Variants in GCKR observed in about 807,000 individuals in gnomAD.
GCKR encodes glucokinase regulator.
Under a neutral mutation model 82.9 loss-of-function variants are expected in GCKR, and 73 were observed. The ratio of observed to expected loss-of-function variants is 0.88; its 90% CI spans 0.73 to 1.07. GCKR has a LOEUF of 1.07. GCKR is among the 50% of genes least tolerant of loss of function. The probability of loss-of-function intolerance (pLI) is 0.00; values close to 1 mark genes in which losing one functional copy is unlikely to be tolerated. For missense variants in GCKR, 784 were observed against 782.1 expected (o/e 1.00, Z -0.03); for synonymous variants, 294 against 291.8 (o/e 1.01, Z -0.08).
intron 8 of GCKR, among the ~76,000 whole-genome samples, chr2:27,503,028 A>G (rs1669624535): frequency 6.6e-6 from 1 of 152,230 alleles, no homozygotes; most frequent in African/African-American, 2.4e-5. Flanking sequence ...TGCTACCTTG[A>G]AGCTTGGTTC....
intron 12 of GCKR, 52 bp downstream of exon 12, chr2:27,506,937 C>G: frequency 1.7e-6 from 2 of 1,196,970 alleles, no homozygotes; most frequent in South Asian, 2.4e-5. Context: ...CCCAACCATT[C>G]GGGCTGCTCT....
At chr2:27,497,665 T>G (rs1322358226) in intron 3 of GCKR, 35 bp downstream of exon 3, 3 of 1,314,846 alleles carry the variant, frequency 2.3e-6, no homozygotes, top group Non-Finnish European at 3.3e-6. Flanking sequence ...GCCTAAACTT[T>G]TCTGTTTCCC....
intron 4 of GCKR, 36 bp downstream of exon 4, chr2:27,498,359 ACTTC>A: frequency 6.6e-7 from 1 of 1,512,238 alleles, no homozygotes; most frequent in Non-Finnish European, 9.2e-7. Flanking sequence ...TTCCCCCTCC[ACTTC>A]TGGAGGTGAC....
At position 27,498,741 on chromosome 2, in the gene GCKR, G is replaced by C. The variant is rs1346901287; in HGVS notation, c.372G>C (p.Leu124=). The change falls in exon 5 of 19, where the codon CTG becomes CTC. Residue 124 remains leucine (L), a synonymous_variant. Transcript: ENST00000264717. ...CTTGACAGGTGTCCTTTAATCAGCT[G>C]ATGAAAGGTCTGGGACAGAAACCTC... ...AFLMSVSFNQ[L]MKGLGQKPLY... 21 of 1,605,162 alleles carry C rather than the reference G, an allele frequency of 1.3e-5. No individual in the cohort carries two copies. Among genetic ancestry groups the C allele is most frequent in the Non-Finnish European group, 1.8e-5 (21 of 1,172,030 alleles).
rs75970592 is a variant in GCKR, at chr2:27,498,197, A to C, written c.286-58A>C. On this transcript the variant is annotated intron_variant, in intron 3 of 18. Coordinates refer to ENST00000264717, the MANE Select transcript of GCKR (RefSeq NM_001486.4). ...TCTTGCATTACTGACAAAGAAAAGA[A>C]TATTCTTCTCCCAACCTGAGCCAGG... is the stretch of plus-strand genomic sequence containing the variant. 2.9e-3 allele frequency: 3,776 copies of C among 1,290,762 alleles called. 81 individuals carry two copies. The African/African-American group carries it at 0.048, about 16-fold the overall frequency. 80.0% of individuals were successfully genotyped at this position (1,290,762 alleles called of 1,614,324 possible).
rs775355077 is a variant in GCKR at position 27,496,976 on chromosome 2, T to G, written c.60+12T>G. On this transcript the variant is annotated intron_variant, in intron 1 of 18. Coordinates refer to ENST00000264717, the MANE Select transcript of GCKR (RefSeq NM_001486.4). ...CTGGCAAGTGGGAGGTGAGACCCCT[T>G]CTTCATGTTGGCTTTCTGTGCTGAT... is the stretch of plus-strand genomic sequence containing the variant. The G allele has an allele frequency of 6.2e-7, 1 of 1,604,616 alleles. No individual in the cohort carries two copies. The highest frequency in any genetic ancestry group is 1.1e-5 in the South Asian group (1 of 90,890).
chr2:27,507,597 C>T (rs1669779828), intron 13 of GCKR, 84 bp from the exon 14 acceptor site: 1 of 803,072 alleles, frequency 1.2e-6, no homozygotes, highest in African/African-American at 1.7e-5. Context: ...AGTGTTAGAT[C>T]TCCTCCACGG....
At position 27,505,811 on chromosome 2, in the gene GCKR, G is replaced by T; in HGVS notation, c.844G>T (p.Asp282Tyr). The change falls in exon 10 of 19, where the codon GAC (aspartate) becomes TAC (tyrosine). Residue 282 changes from aspartate to tyrosine, a missense_variant. By Grantham distance (160) the Asp-to-Tyr change is radical. Transcript: ENST00000264717. Reference sequence around the variant, plus strand: ...GTTATTAGCAGCCCATAAGACTGTGGACCAGGGCATTGCAGCATCTCAAAG... The same window carrying T: ...GTTATTAGCAGCCCATAAGACTGTGTACCAGGGCATTGCAGCATCTCAAAG... ...TLLLAAHKTV[D>Y]QGIAASQRCL... 1.3e-6 allele frequency: 2 copies of T among 1,591,302 alleles called. No individual in the cohort carries two copies. The highest frequency in any genetic ancestry group is 2.2e-5 in the South Asian group (2 of 90,656).
intron 12 of GCKR, 27 bp downstream of exon 12, chr2:27,506,912 C>T (rs2148585068): frequency 7.2e-7 from 1 of 1,380,840 alleles, no homozygotes; most frequent in East Asian, 2.3e-5. Context: ...GATGTTCTTC[C>T]TGCTTCCTCC....
chr2:27,504,179 C>G (rs1334223285), intron 9 of GCKR, among the ~76,000 whole-genome samples: 1 of 152,196 alleles, frequency 6.6e-6, no homozygotes, highest in Non-Finnish European at 1.5e-5. Flanking sequence ...CTCCCTCTAC[C>G]AGTGGTGGGC....
intron 16 of GCKR, among the ~76,000 whole-genome samples, chr2:27,513,060 G>A (rs1669928357): frequency 6.6e-6 from 1 of 152,136 alleles, no homozygotes; most frequent in East Asian, 1.9e-4. Context: ...CGTTTAGCTA[G>A]GATGGTGTCT....
At chr2:27,518,271 C>CG (rs1670056669) in intron 16 of GCKR, among the ~76,000 whole-genome samples, 1 of 152,224 alleles carries the variant, frequency 6.6e-6, no homozygotes, top group Non-Finnish European at 1.5e-5. Context: ...GTTGAGAACT[C>CG]CTGACCTCAG....
At chr2:27,516,246 T>C (rs536197382) in intron 16 of GCKR, among the ~76,000 whole-genome samples, 1 of 151,582 alleles carries the variant, frequency 6.6e-6, no homozygotes, top group African/African-American at 2.4e-5. Context: ...GGCGTTATGG[T>C]ATGTTTGGTA....
At chr2:27,498,633 T>C in intron 4 of GCKR, 91 bp from the exon 5 acceptor site, 1 of 823,436 alleles carries the variant, frequency 1.2e-6, no homozygotes, top group Non-Finnish European at 2.1e-6. Flanking sequence ...AAGAGAATCA[T>C]TATATAGTCT....
At position 27,508,006 on chromosome 2, in the gene GCKR, G is replaced by A. The variant is rs766023543; in HGVS notation, c.1270G>A (p.Glu424Lys). 1 of 1,613,688 alleles carries A rather than the reference G, an allele frequency of 6.2e-7. No individual in the cohort carries two copies. The highest frequency in any genetic ancestry group is 2.2e-5 in the East Asian group (1 of 44,872). The change falls in exon 15 of 19, where the codon GAG (glutamate) becomes AAG (lysine). Residue 424 changes from glutamate to lysine, a missense_variant. Physicochemically the swap from Glu to Lys is moderately conservative, Grantham distance 56 (BLOSUM62 1). Transcript: ENST00000264717. The part of the protein sequence containing the change: ...DNLTEVQTIV[E>K]QVKEKTNHIQ... ...CCTCACGGAGGTGCAGACTATAGTG[G>A]AGCAGGTGAAAGAGAAGACCAACCA...
In GCKR at chr2:27,497,244, T is replaced by C; in HGVS notation, c.61T>C (p.Leu21=). The part of the protein sequence containing the change: ...IETPEPGKWE[L]SGYEAAVPIT... The stretch of plus-strand genomic sequence containing the variant: ...CATCCTTGTCCCCTCTTCCTTCTAG[T>C]TGTCTGGGTACGAGGCAGCTGTGCC... Residue 21 remains leucine (L), a splice_region_variant and synonymous_variant, in exon 2 of 19, where the codon TTG becomes CTG. Transcript: ENST00000264717. The C allele has an allele frequency of 6.2e-7, 1 of 1,614,198 alleles. No individual in the cohort carries two copies. The highest frequency in any genetic ancestry group is 8.5e-7 in the Non-Finnish European group (1 of 1,180,014).
intron 16 of GCKR, among the ~76,000 whole-genome samples, chr2:27,509,092 A>G (rs765443167): frequency 1.3e-5 from 2 of 151,996 alleles, no homozygotes; most frequent in Non-Finnish European, 2.9e-5. Flanking sequence ...AAAGCAAGCA[A>G]TTTTACATCT....
chr2:27,506,450 C>G, intron 10 of GCKR, 31 bp from the exon 11 acceptor site: 1 of 1,438,236 alleles, frequency 7.0e-7, no homozygotes, highest in Non-Finnish European at 9.8e-7. Context: ...GGAATTGGGC[C>G]CTTCTTGAGA....
intron 14 of GCKR, 93 bp from the exon 15 acceptor site, chr2:27,507,884 G>A (rs762188573): frequency 2.0e-5 from 23 of 1,130,664 alleles, no homozygotes; most frequent in Non-Finnish European, 3.0e-5. Context: ...AGGGAGGGAC[G>A]GGGTGAATAT....
Sources: allele counts gnomAD v4.1 joint callset (sites outside exome capture counted in the v4.1 genomes callset), GRCh38; gene constraint gnomAD v4.1.1; transcripts MANE v1.5; gene names NCBI Gene and HGNC (gene_info 2026-07-23, HGNC 2026-07-21).